SLC12A9: variants seen among roughly 807,000 people sequenced by gnomAD.
SLC12A9 encodes CCC-interacting protein 1.
SLC12A9 carries 55 observed loss-of-function variants against 66.0 expected under a neutral mutation model. That is an observed-to-expected ratio of 0.83 (90% CI 0.67 to 1.04). The LOEUF is 1.04. SLC12A9 is among the 50% of genes least tolerant of loss of function. The pLI is 0.00. For missense variants in SLC12A9, 1,061 were observed against 1,241.9 expected (o/e 0.85, Z 2.19); for synonymous variants, 577 against 569.0 (o/e 1.01, Z -0.20).
chr7:100,865,378 T>G (rs1440080285), intron 13 of SLC12A9: 51 of 1,536,038 alleles, frequency 3.3e-5, no homozygotes, highest in Non-Finnish European at 4.1e-5. Flanking sequence ...TCGCATCCCC[T>G]GCCGTGAAAC....
intron 1 of SLC12A9, among the ~76,000 whole-genome samples, chr7:100,845,360 AT>A (rs1158233142): frequency 6.6e-6 from 1 of 150,382 alleles, no homozygotes; most frequent in Non-Finnish European, 1.5e-5. Context: ...TTATTTATTT[AT>A]TTTTTTGAGA....
At chr7:100,834,637 T>C (rs1372979019) in intron 1 of SLC12A9, among the ~76,000 whole-genome samples, 2 of 151,286 alleles carry the variant, frequency 1.3e-5, no homozygotes, top group Non-Finnish European at 2.9e-5. Flanking sequence ...AATCCCAGCA[T>C]TTGGGAGGAC....
chr7:100,855,086 C>T (rs1445053641), intron 3 of SLC12A9, among the ~76,000 whole-genome samples: 1 of 152,122 alleles, frequency 6.6e-6, no homozygotes, highest in Non-Finnish European at 1.5e-5. Context: ...ATCGCTTGAA[C>T]CTGGGAGGTG....
chr7:100,861,629 A>G lies in SLC12A9; in HGVS notation c.1536+45A>G. On this transcript the variant is annotated intron_variant, in intron 11 of 13. Coordinates refer to ENST00000354161, the MANE Select transcript of SLC12A9 (RefSeq NM_020246.4). This position sits in a 1 kb window ranked among gnomAD's most constrained non-coding sequence, Gnocchi z 5.3. Reference sequence around the variant, plus strand: ...CGGTGGGGAAATGGGAGGTGGTCAAAGAACCCCCTCTCTCTTTGGCTGGAG... The same window carrying G: ...CGGTGGGGAAATGGGAGGTGGTCAAGGAACCCCCTCTCTCTTTGGCTGGAG... 6.2e-7 allele frequency: 1 copy of G among 1,606,464 alleles called. No homozygotes were observed. Among genetic ancestry groups the G allele is most frequent in the Admixed American group, 1.7e-5 (1 of 59,878 alleles).
chr7:100,842,821 G>A (rs1813814665), intron 1 of SLC12A9, among the ~76,000 whole-genome samples: 1 of 152,240 alleles, frequency 6.6e-6, no homozygotes, highest in Non-Finnish European at 1.5e-5. Context: ...CAGTCGACCA[G>A]GTGTAGGTTG....
intron 12 of SLC12A9, among the ~76,000 whole-genome samples, chr7:100,862,258 C>T (rs1424609418): frequency 6.6e-6 from 1 of 151,884 alleles, no homozygotes; most frequent in East Asian, 1.9e-4. Context: ...CGGCCAGAAC[C>T]CCTCCCCCGC....
upstream of SLC12A9, among the ~76,000 whole-genome samples, chr7:100,850,945 C>T (rs1814056759): frequency 6.6e-6 from 1 of 152,018 alleles, no homozygotes; most frequent in Non-Finnish European, 1.5e-5. Flanking sequence ...GTCACAATCT[C>T]CTGACCTCGT....
intron 13 of SLC12A9, among the ~76,000 whole-genome samples, chr7:100,863,613 C>T (rs1185079632): frequency 6.6e-6 from 1 of 152,140 alleles, no homozygotes; most frequent in Non-Finnish European, 1.5e-5. Context: ...ACATGTCTCC[C>T]CTGCCCCCGC....
intron 1 of SLC12A9, among the ~76,000 whole-genome samples, chr7:100,833,771 A>G (rs1813588736): frequency 6.6e-6 from 1 of 151,878 alleles, no homozygotes; most frequent in East Asian, 1.9e-4. Context: ...CATCTCTACT[A>G]AAAATACAAA....
chr7:100,846,332 C>G (rs1355653850), intron 1 of SLC12A9, among the ~76,000 whole-genome samples: 1 of 151,922 alleles, frequency 6.6e-6, no homozygotes, highest in East Asian at 1.9e-4. Context: ...TTTGGGAGGC[C>G]GAGGCGGGTG....
chr7:100,861,446 C>T lies in SLC12A9; in HGVS notation c.1398C>T (p.Cys466=), dbSNP rs138701180. Residue 466 remains cysteine, a synonymous_variant, in exon 11 of 14, where the codon TGC becomes TGT. Transcript: ENST00000354161. The surrounding 1 kb of genome is among the most constrained non-coding windows in gnomAD (Gnocchi z 5.3). ...CCTGCCTGCTGGGGGTGGCCTCCTG[C>T]CTGCTCATGATGTTCCTCATCAGTC... ...WHTCLLGVAS[C]LLMMFLISPG... 5.1e-5 allele frequency: 82 copies of T among 1,613,658 alleles called. No individual in the cohort carries two copies. The highest frequency in any genetic ancestry group is 1.0e-4 in the Admixed American group (6 of 60,008).
chr7:100,856,042 T>A, intron 4 of SLC12A9: 1 of 636,350 alleles, frequency 1.6e-6, no homozygotes, highest in Non-Finnish European at 2.4e-6. Context: ...AACCATCTAA[T>A]CGGAGAGACC....
intron 12 of SLC12A9, among the ~76,000 whole-genome samples, chr7:100,862,157 A>G (rs773082916): frequency 7.9e-5 from 12 of 151,812 alleles, no homozygotes; most frequent in Non-Finnish European, 1.5e-4. Context: ...GGGTTTCACC[A>G]TGTTGGCCAA....
At chr7:100,856,028 AGCTAAC>A in intron 4 of SLC12A9, 191 bp downstream of exon 4, 4 of 796,326 alleles carry the variant, frequency 5.0e-6, no homozygotes, top group Non-Finnish European at 7.2e-6. Flanking sequence ...GCCTGCAGGG[AGCTAAC>A]CATCTAATCG....
chr7:100,862,707 C>A lies in SLC12A9; in HGVS notation c.1738C>A (p.Pro580Thr). Residue 580 changes from proline to threonine, a missense_variant, in exon 13 of 14, where the codon CCG (proline) becomes ACG (threonine). Physicochemically the swap from Pro to Thr is conservative, Grantham distance 38. Coordinates refer to ENST00000354161, the MANE Select transcript of SLC12A9 (RefSeq NM_020246.4). ...LDSLPSDPVQ[P>T]QYGAWLSLVD... ...CTCCCTGCCCTCGGACCCTGTACAG[C>A]CGCAGTATGGGGCATGGCTCAGCCT... The A allele has an allele frequency of 1.9e-6, 3 of 1,614,232 alleles. No individual in the cohort carries two copies. Among genetic ancestry groups the A allele is most frequent in the Non-Finnish European group, 2.5e-6 (3 of 1,180,034 alleles).
Position 100,866,261 on chromosome 7 carries a change from G to A in SLC12A9, c.2401G>A (p.Val801Met). The change falls in exon 14 of 14, where the codon GTG becomes ATG. Residue 801 changes from valine (V) to methionine (M), a missense_variant. Transcript: ENST00000354161. This position sits in a 1 kb window ranked among gnomAD's most constrained non-coding sequence, Gnocchi z 7.3. ...GAGGATCCGGGCTGAGGTGCAGGAG[G>A]TGGTGTGGGGCGAGGGGGCCGGGGC... is the stretch of plus-strand genomic sequence containing the variant. ...QLRIRAEVQE[V>M]VWGEGAGAGE... 6.3e-7 allele frequency: 1 copy of A among 1,574,866 alleles called. No individual in the cohort carries two copies. The highest frequency in any genetic ancestry group is 8.6e-7 in the Non-Finnish European group (1 of 1,160,528).
At position 100,865,758 on chromosome 7, in the gene SLC12A9, A is replaced by ATGACGCTCCACC; in HGVS notation, c.1899_1910dup (p.Asp634_Pro637dup). 6.2e-7 allele frequency: 1 copy of ATGACGCTCCACC among 1,613,592 alleles called. No homozygotes were observed. Among genetic ancestry groups the ATGACGCTCCACC allele is most frequent in the Non-Finnish European group, 8.5e-7 (1 of 1,179,892 alleles). Reference sequence around the variant, plus strand: ...AACACGTTGGTCCTAGGTTTCTACGATGACGCTCCACCGCAGGACCATTTC... The same window carrying ATGACGCTCCACC: ...AACACGTTGGTCCTAGGTTTCTACGATGACGCTCCACCTGACGCTCCACCGCAGGACCATTTC... On this transcript the variant is annotated inframe_insertion, in exon 14 of 14. Coordinates refer to ENST00000354161, the MANE Select transcript of SLC12A9 (RefSeq NM_020246.4).
chr7:100,859,933 G>A lies in SLC12A9; in HGVS notation c.1026G>A (p.Trp342Ter). ...DYGFFRAISL[W>*]PPLVLIGIYA... ...GGTTCTTCCGCGCCATCAGCCTGTG[G>A]CCCCCACTGGTGTTGATCGGAATCT... The change falls in exon 8 of 14, where the codon TGG becomes TGA. Residue 342 changes from tryptophan (W) to a stop codon, truncating the protein, a stop_gained. Transcript: ENST00000354161. LOFTEE classifies it high-confidence loss of function. The A allele has an allele frequency of 6.2e-7, 1 of 1,610,252 alleles. No individual in the cohort carries two copies. The highest frequency in any genetic ancestry group is 8.5e-7 in the Non-Finnish European group (1 of 1,176,770).
chr7:100,864,163 C>G (rs987129264), intron 13 of SLC12A9, among the ~76,000 whole-genome samples: 2 of 147,602 alleles, frequency 1.4e-5, no homozygotes, highest in Non-Finnish European at 3.0e-5. Flanking sequence ...ACTGCAACCT[C>G]TGCCTCCCGG....
Sources: allele counts gnomAD v4.1 joint callset (sites outside exome capture counted in the v4.1 genomes callset), GRCh38; gene constraint gnomAD v4.1.1; non-coding constraint Gnocchi (gnomAD v3.1); transcripts MANE v1.5; gene names NCBI Gene and HGNC (gene_info 2026-07-23, HGNC 2026-07-21).